Variants in PSD3 observed in about 807,000 individuals in gnomAD.
PSD3 encodes the protein PH and SEC7 domain-containing protein 3.
A neutral mutation model predicts 105.5 loss-of-function variants in PSD3; 49 were observed. The observed-to-expected ratio is 0.46, with a 90% CI of 0.37 to 0.59. PSD3 has a LOEUF of 0.59. Ranked by LOEUF, PSD3 falls within the 20% of genes least tolerant of loss-of-function variation. PSD3 has a pLI of 0.00. For synonymous variants in PSD3, 557 were observed against 457.8 expected, an observed-to-expected ratio of 1.22 and a Z score of -2.77; for missense variants, 1,561 against 1,263.8, an observed-to-expected ratio of 1.24 and a Z score of -3.57.
At chr8:18,884,430 C>T (rs1441684513) in intron 2 of PSD3, among the ~76,000 whole-genome samples, 4 of 151,950 alleles carry the variant, frequency 2.6e-5, no homozygotes, top group African/African-American at 7.3e-5. Context: ...ATAAAAATAA[C>T]GGAAAAATGA....
At chr8:19,078,548 CCTCTGCT>C (rs1348690114) in intron 1 of PSD3, among the ~76,000 whole-genome samples, 1 of 152,038 alleles carries the variant, frequency 6.6e-6, no homozygotes, top group African/African-American at 2.4e-5. Flanking sequence ...TGTATTTTCT[CCTCTGCT>C]CTCTGCTCCC....
At chr8:18,638,750 G>A (rs186109073) in intron 10 of PSD3, among the ~76,000 whole-genome samples, 30 of 152,228 alleles carry the variant, frequency 2.0e-4, no homozygotes, top group Admixed American at 9.2e-4. Flanking sequence ...ACTAAAATTT[G>A]TAGGAAACTA....
chr8:19,040,964 C>T (rs955466572), intron 1 of PSD3, among the ~76,000 whole-genome samples: 2 of 152,194 alleles, frequency 1.3e-5, no homozygotes, highest in Non-Finnish European at 2.9e-5. Context: ...ACGATCATAG[C>T]ACATTGCAGC....
chr8:18,962,128 C>T (rs1823964723), intron 1 of PSD3, among the ~76,000 whole-genome samples: 1 of 152,006 alleles, frequency 6.6e-6, no homozygotes, highest in Admixed American at 6.5e-5. Flanking sequence ...CACCTGTAAT[C>T]CCAGCTACTT....
chr8:18,900,942 A>T (rs533349937), intron 2 of PSD3, among the ~76,000 whole-genome samples: 1 of 152,342 alleles, frequency 6.6e-6, no homozygotes, highest in East Asian at 1.9e-4. Flanking sequence ...ATTATTATAT[A>T]GTACAGTATG....
intron 1 of PSD3, chr8:18,979,597 C>T (rs1353353742): frequency 6.6e-6 from 1 of 152,142 alleles, no homozygotes; most frequent in Non-Finnish European, 1.5e-5. Flanking sequence ...ATAAATCATG[C>T]TCTTTAAAAT....
At chr8:18,565,329 C>CTTG (rs1563327433) in intron 14 of PSD3, among the ~76,000 whole-genome samples, 1 of 152,178 alleles carries the variant, frequency 6.6e-6, no homozygotes, top group East Asian at 1.9e-4. Flanking sequence ...AGAAGCAAAA[C>CTTG]TTGTATTTTC....
intron 1 of PSD3, among the ~76,000 whole-genome samples, chr8:18,947,859 C>T (rs1465822003): frequency 6.6e-6 from 1 of 152,052 alleles, no homozygotes; most frequent in African/African-American, 2.4e-5. Flanking sequence ...AAGCTGGGAG[C>T]TAGAAAGCTA....
At chr8:18,631,026 G>A (rs59706981) in intron 11 of PSD3, among the ~76,000 whole-genome samples, 14 of 151,802 alleles carry the variant, frequency 9.2e-5, no homozygotes, top group South Asian at 2.1e-4. Flanking sequence ...AAGGGACAAC[G>A]GTATTTTCGT....
intron 4 of PSD3, among the ~76,000 whole-genome samples, chr8:18,830,180 G>T (rs905762022): frequency 1.3e-5 from 2 of 152,144 alleles, no homozygotes; most frequent in Admixed American, 6.5e-5. Flanking sequence ...GTCCTCAAGT[G>T]ATCCACCCAC....
intron 10 of PSD3, among the ~76,000 whole-genome samples, chr8:18,640,200 G>A (rs1484973319): frequency 6.6e-6 from 1 of 152,098 alleles, no homozygotes; most frequent in Non-Finnish European, 1.5e-5. Context: ...TATTCCATGT[G>A]TCTCCACAGC....
chr8:18,581,153 C>G (rs964422750), intron 12 of PSD3, among the ~76,000 whole-genome samples: 1 of 152,054 alleles, frequency 6.6e-6, no homozygotes, highest in Non-Finnish European at 1.5e-5. Flanking sequence ...AAGTTACTAC[C>G]CAAATGTCAA....
chr8:18,569,574 A>G (rs1381372218), intron 14 of PSD3, among the ~76,000 whole-genome samples: 1 of 88,416 alleles, frequency 1.1e-5, no homozygotes, highest in African/African-American at 4.3e-5. Flanking sequence ...TTCCAGGAGA[A>G]CTACCAACCA....
intron 3 of PSD3, among the ~76,000 whole-genome samples, chr8:18,869,931 C>T (rs1173278080): frequency 6.6e-6 from 1 of 152,264 alleles, no homozygotes; most frequent in South Asian, 2.1e-4. Flanking sequence ...CTTGCAGTGT[C>T]AGGACATAGG....
chr8:18,991,353 TACACACACACACACACACATACAC>T (rs1398448330), intron 1 of PSD3, among the ~76,000 whole-genome samples: 9 of 57,436 alleles, frequency 1.6e-4, no homozygotes, highest in African/African-American at 4.4e-4. Context: ...CACACACACA[TACACACACACACACACACATACAC>T]ACACACACAC....
At chr8:18,928,014 T>G (rs1821484748) in intron 2 of PSD3, among the ~76,000 whole-genome samples, 1 of 152,106 alleles carries the variant, frequency 6.6e-6, no homozygotes, top group South Asian at 2.1e-4. Flanking sequence ...CCAAAAGAAA[T>G]GAAAACCTAC....
At chr8:18,826,535 C>A (rs1236273698) in intron 4 of PSD3, among the ~76,000 whole-genome samples, 1 of 152,086 alleles carries the variant, frequency 6.6e-6, no homozygotes, top group Non-Finnish European at 1.5e-5. Flanking sequence ...AAGATTATTC[C>A]TCAAGATCTT....
At chr8:18,945,485 C>T (rs951912741) in intron 1 of PSD3, among the ~76,000 whole-genome samples, 1 of 152,170 alleles carries the variant, frequency 6.6e-6, no homozygotes, top group Non-Finnish European at 1.5e-5. Flanking sequence ...CCTCTGGCAC[C>T]TTGATTTTAG....
At chr8:18,692,196 T>C (rs1801008510) in intron 9 of PSD3, among the ~76,000 whole-genome samples, 1 of 152,224 alleles carries the variant, frequency 6.6e-6, no homozygotes, top group Admixed American at 6.5e-5. Flanking sequence ...GTGCCAGGCA[T>C]GAGGAATAAA....
Sources: allele counts gnomAD v4.1 joint callset (sites outside exome capture counted in the v4.1 genomes callset), GRCh38; gene constraint gnomAD v4.1.1; transcripts MANE v1.5; gene names NCBI Gene and HGNC (gene_info 2026-07-23, HGNC 2026-07-21).